Variants in GC observed in about 807,000 individuals in gnomAD.
GC encodes GC vitamin D binding protein.
A neutral mutation model predicts 56.7 loss-of-function variants in GC; 43 were observed. The observed-to-expected ratio is 0.76, with a 90% CI of 0.59 to 0.98. The LOEUF is 0.98. Ranked by LOEUF, GC falls within the 50% of genes least tolerant of loss-of-function variation. GC has a pLI of 0.00. For missense variants in GC, 529 were observed against 545.9 expected, an observed-to-expected ratio of 0.97 and a Z score of 0.31; for synonymous variants, 216 against 202.7, an observed-to-expected ratio of 1.07 and a Z score of -0.56.
intron 1 of GC, among the ~76,000 whole-genome samples, chr4:71,772,807 T>A (rs1742381588): frequency 6.6e-6 from 1 of 152,120 alleles, no homozygotes; most frequent in Non-Finnish European, 1.5e-5. Context: ...TAGAGGAAGC[T>A]GTTGCACCAT....
Position 71,756,779 on chromosome 4 carries a change from G to A in GC, c.967C>T (p.Leu323Phe). 6.2e-7 allele frequency: 1 copy of A among 1,613,820 alleles called. No individual in the cohort carries two copies. ...YFMPAAQLPE[L>F]PDVELPTNKD... ...TTTGTGGGCAACTCTACATCTGGAA[G>A]CTCGGGGAGTTGGGCAGCTGGCATG... is the stretch of plus-strand genomic sequence containing the variant. Residue 323 changes from leucine to phenylalanine, a missense_variant, in exon 8 of 13, where the codon CTT (leucine) becomes TTT (phenylalanine). Leu to Phe is a conservative substitution (Grantham distance 22). Coordinates refer to ENST00000273951, the MANE Select transcript of GC (RefSeq NM_000583.4).
intron 1 of GC, among the ~76,000 whole-genome samples, chr4:71,795,081 C>G (rs1374194088): frequency 6.6e-6 from 1 of 152,036 alleles, no homozygotes; most frequent in Non-Finnish European, 1.5e-5. Flanking sequence ...CTTCCAATTA[C>G]ATGGTCAATT....
chr4:71,780,561 A>C (rs987779146), intron 1 of GC, among the ~76,000 whole-genome samples: 107 of 152,264 alleles, frequency 7.0e-4, no homozygotes, highest in Non-Finnish European at 1.3e-3. Flanking sequence ...ACCCCATCAA[A>C]AAGTGGGCAA....
At chr4:71,745,078 T>C (rs530250654) in intron 12 of GC, among the ~76,000 whole-genome samples, 3 of 152,226 alleles carry the variant, frequency 2.0e-5, no homozygotes, top group Non-Finnish European at 4.4e-5. Flanking sequence ...TTACTGCTAA[T>C]ATTCATTTTT....
chr4:71,756,625 G>T, intron 8 of GC, 87 bp downstream of exon 8: 1 of 801,012 alleles, frequency 1.2e-6, no homozygotes, highest in Non-Finnish European at 2.2e-6. Flanking sequence ...ATGAGTGATA[G>T]CATACCTTCC....
At chr4:71,781,411 G>A (rs576847848) in intron 1 of GC, among the ~76,000 whole-genome samples, 21 of 149,814 alleles carry the variant, frequency 1.4e-4, no homozygotes, top group South Asian at 8.4e-4. Flanking sequence ...AACTTGAATC[G>A]AAAAAAAAGA....
chr4:71,769,233 G>T, intron 2 of GC, 98 bp downstream of exon 2: 1 of 864,732 alleles, frequency 1.2e-6, no homozygotes, highest in Non-Finnish European at 1.9e-6. Flanking sequence ...TCTTGGCAAG[G>T]ATTAAGGATT....
At chr4:71,753,948 G>A (rs190386704) in intron 10 of GC, among the ~76,000 whole-genome samples, 24 of 151,960 alleles carry the variant, frequency 1.6e-4, no homozygotes, top group East Asian at 5.8e-4. Flanking sequence ...GATAGATTTC[G>A]TCATCTATAT....
At chr4:71,769,518 G>T in intron 1 of GC, 118 bp from the exon 2 acceptor site, 2 of 664,112 alleles carry the variant, frequency 3.0e-6, no homozygotes, top group Admixed American at 2.5e-5. Context: ...TTTTCTCAAT[G>T]TCTATATGCA....
In GC at chr4:71,763,873, G is replaced by C; in HGVS notation, c.537C>G (p.Thr179=). ...ACCCTACCATAGAAAGATAACTCTTGGTGTAACTGACTAAAAGTGACAGAG... is the reference window on the plus strand; with the variant it reads ...ACCCTACCATAGAAAGATAACTCTTCGTGTAACTGACTAAAAGTGACAGAG... The part of the protein sequence containing the change: ...QAPLSLLVSY[T]KSYLSMVGSC... The change falls in exon 5 of 13, where the codon ACC becomes ACG. Residue 179 remains threonine, a synonymous_variant. Transcript: ENST00000273951. 1 of 1,609,074 alleles carries C rather than the reference G, an allele frequency of 6.2e-7. No homozygotes were observed. Among genetic ancestry groups the C allele is most frequent in the Non-Finnish European group, 8.5e-7 (1 of 1,175,446 alleles).
chr4:71,743,389 G>A (rs1741251714), intron 12 of GC, among the ~76,000 whole-genome samples: 1 of 152,142 alleles, frequency 6.6e-6, no homozygotes, highest in Non-Finnish European at 1.5e-5. Flanking sequence ...AATCATTGAA[G>A]AAAATGGATA....
chr4:71,792,180 C>T (rs1039837993), intron 1 of GC, among the ~76,000 whole-genome samples: 10 of 152,136 alleles, frequency 6.6e-5, no homozygotes, highest in African/African-American at 1.9e-4. Flanking sequence ...GGTATATACC[C>T]AGTAATGGGA....
chr4:71,749,920 A>G lies in GC; in HGVS notation c.1395+2598T>C, dbSNP rs535801817. On this transcript the variant is annotated intron_variant, in intron 11 of 12. Coordinates refer to ENST00000273951, the MANE Select transcript of GC (RefSeq NM_000583.4). ...CAAATAGGTTTGGGACCAGAGTGTA[A>G]ATATGGAAATTAGAAAAGAAACCAG... is the stretch of plus-strand genomic sequence containing the variant. Among the ~76,000 whole-genome samples, 3 of 152,284 alleles carry G rather than the reference A, an allele frequency of 2.0e-5. No individual in the cohort carries two copies. In the South Asian group the frequency reaches 6.2e-4, roughly 32 times the overall value.
chr4:71,800,202 C>T (rs868693767), intron 1 of GC, among the ~76,000 whole-genome samples: 2 of 151,978 alleles, frequency 1.3e-5, no homozygotes, highest in South Asian at 2.1e-4. Flanking sequence ...GCCCTGCATG[C>T]TTTAGCCATT....
chr4:71,775,685 A>G (rs1013652470), intron 1 of GC, among the ~76,000 whole-genome samples: 1 of 152,160 alleles, frequency 6.6e-6, no homozygotes, highest in Non-Finnish European at 1.5e-5. Flanking sequence ...GCTACTGCAC[A>G]GCAAAAGAAA....
chr4:71,748,107 C>T (rs1741434437), intron 11 of GC, among the ~76,000 whole-genome samples: 1 of 152,120 alleles, frequency 6.6e-6, no homozygotes. Flanking sequence ...AAGTTTCATT[C>T]AACCCATCTG....
intron 1 of GC, among the ~76,000 whole-genome samples, chr4:71,789,420 A>G (rs909312291): frequency 1.3e-5 from 2 of 151,982 alleles, no homozygotes; most frequent in Non-Finnish European, 1.5e-5. Context: ...ACAGGACTCT[A>G]AAGAGGAAGG....
At chr4:71,754,827 T>C in intron 9 of GC, 151 bp downstream of exon 9, 1 of 598,704 alleles carries the variant, frequency 1.7e-6, no homozygotes, top group Middle Eastern at 4.1e-4. Context: ...TTCTTTTGCT[T>C]TTTTCCCAAC....
At chr4:71,769,479 C>A in intron 1 of GC, 79 bp from the exon 2 acceptor site, 1 of 919,468 alleles carries the variant, frequency 1.1e-6, no homozygotes, top group Non-Finnish European at 1.7e-6. Flanking sequence ...ATAAAGTGAT[C>A]TTCCACGTGG....
Sources: gnomAD v4.1 joint callset for allele counts (sites outside exome capture counted in the v4.1 genomes callset) on GRCh38, gnomAD v4.1.1 for gene constraint, MANE v1.5 for transcripts, NCBI Gene and HGNC (gene_info 2026-07-23, HGNC 2026-07-21) for gene names.